Variants in ITCH observed in about 807,000 individuals in gnomAD.
The protein encoded by ITCH is itchy E3 ubiquitin protein ligase.
A neutral mutation model predicts 126.8 loss-of-function variants in ITCH; 28 were observed. That is an observed-to-expected ratio of 0.22 (90% CI 0.16 to 0.30). The LOEUF (loss-of-function observed/expected upper bound fraction) is 0.30, where lower values mean the gene tolerates loss of function less well. Among genes scored for constraint, ITCH ranks in the 10% least tolerant of loss-of-function variants. The probability of loss-of-function intolerance (pLI) is 1.00; values close to 1 mark genes in which losing one functional copy is unlikely to be tolerated. For synonymous variants in ITCH, 342 were observed against 340.0 expected (o/e 1.01, Z -0.06); for missense variants, 631 against 1,032.4 (o/e 0.61, Z 5.33).
chr20:34,465,434 A>T (rs1986960244), intron 14 of ITCH, among the ~76,000 whole-genome samples: 1 of 152,026 alleles, frequency 6.6e-6, no homozygotes, highest in Non-Finnish European at 1.5e-5. Context: ...TTGGATTTTG[A>T]TAGGGGATTT....
chr20:34,406,006 C>T (rs73257144), intron 3 of ITCH, among the ~76,000 whole-genome samples: 1 of 151,946 alleles, frequency 6.6e-6, no homozygotes, highest in African/African-American at 2.4e-5. Flanking sequence ...GATGTCTCAG[C>T]ATCTGGCATC....
intron 14 of ITCH, among the ~76,000 whole-genome samples, chr20:34,464,728 G>C (rs1252908563): frequency 7.0e-6 from 1 of 142,728 alleles, no homozygotes; most frequent in African/African-American, 2.6e-5. Flanking sequence ...TTTTTTTTTT[G>C]TAGATAGAGT....
At chr20:34,464,044 G>A (rs188398836) in intron 14 of ITCH, among the ~76,000 whole-genome samples, 23 of 151,626 alleles carry the variant, frequency 1.5e-4, no homozygotes, top group African/African-American at 5.3e-4. Context: ...GCACAATCTC[G>A]GCTCACTGCA....
chr20:34,487,687 C>G (rs1989224116), intron 20 of ITCH, among the ~76,000 whole-genome samples: 1 of 152,132 alleles, frequency 6.6e-6, no homozygotes, highest in Admixed American at 6.5e-5. Flanking sequence ...ACCTGTAATT[C>G]CAGCACTTTG....
intron 14 of ITCH, among the ~76,000 whole-genome samples, chr20:34,463,098 C>T (rs560381224): frequency 6.6e-6 from 1 of 152,338 alleles, no homozygotes; most frequent in Admixed American, 6.5e-5. Flanking sequence ...CGCAGTGGCT[C>T]ATGCCTGTAA....
chr20:34,382,772 C>A (rs978580911), intron 2 of ITCH, among the ~76,000 whole-genome samples: 20 of 147,280 alleles, frequency 1.4e-4, no homozygotes, highest in Non-Finnish European at 2.5e-4. Flanking sequence ...GAGACAGAGT[C>A]TTGCCTTGTA....
intron 6 of ITCH, among the ~76,000 whole-genome samples, chr20:34,414,554 C>T (rs1396621377): frequency 6.6e-6 from 1 of 150,830 alleles, no homozygotes; most frequent in East Asian, 1.9e-4. Context: ...GCAACCTCTG[C>T]CTCCTGGGTT....
At position 34,482,953 on chromosome 20, in the gene ITCH, C is replaced by T. The variant is rs534513882; in HGVS notation, c.2093+1747C>T. Among the ~76,000 whole-genome samples the T allele has an allele frequency of 4.6e-5, 7 of 152,250 alleles. No homozygotes were observed. The East Asian group carries it at 1.4e-3, about 29-fold the overall frequency. ...GCCTCAATTTTTGCCTTCTGTGCAC[C>T]CTCAGGCTCAACAGCACGTGGAAGC... is the stretch of plus-strand genomic sequence containing the variant. On this transcript the variant is annotated intron_variant, in intron 20 of 24. Coordinates refer to ENST00000374864, the MANE Select transcript of ITCH (RefSeq NM_031483.7).
intron 13 of ITCH, among the ~76,000 whole-genome samples, chr20:34,460,063 A>G (rs568262907): frequency 6.6e-6 from 1 of 152,348 alleles, no homozygotes; most frequent in Non-Finnish European, 1.5e-5. Context: ...ATTTATTTTC[A>G]AGACAACAAC....
At chr20:34,419,314 A>G (rs979361288) in intron 6 of ITCH, among the ~76,000 whole-genome samples, 3 of 152,200 alleles carry the variant, frequency 2.0e-5, no homozygotes, top group Admixed American at 1.3e-4. Context: ...ATATCATTGC[A>G]TCCACCTGTA....
At chr20:34,460,431 C>T (rs1306884861) in intron 13 of ITCH, among the ~76,000 whole-genome samples, 2 of 148,474 alleles carry the variant, frequency 1.3e-5, no homozygotes, top group Non-Finnish European at 3.0e-5. Flanking sequence ...GCCAAACACA[C>T]AAACTGAAAT....
At chr20:34,385,090 C>G (rs1049523324) in intron 2 of ITCH, among the ~76,000 whole-genome samples, 1 of 151,780 alleles carries the variant, frequency 6.6e-6, no homozygotes, top group Non-Finnish European at 1.5e-5. Flanking sequence ...TCTCAGCTCA[C>G]TGTAACCTCT....
intron 6 of ITCH, among the ~76,000 whole-genome samples, chr20:34,416,604 A>G (rs1160297616): frequency 2.0e-5 from 3 of 152,184 alleles, no homozygotes; most frequent in African/African-American, 7.2e-5. Flanking sequence ...GGGGAGGCCT[A>G]CTGTACTTAC....
chr20:34,464,869 C>T (rs1986899606), intron 14 of ITCH, among the ~76,000 whole-genome samples: 1 of 151,994 alleles, frequency 6.6e-6, no homozygotes, highest in South Asian at 2.1e-4. Flanking sequence ...CACCAACACG[C>T]CTGGCTAATT....
In ITCH at chr20:34,511,274, G is replaced by A. The variant is rs1978779326; in HGVS notation, c.*3480G>A. 6.6e-6 allele frequency: 1 copy of A among 152,086 alleles called. No homozygotes were observed. Among genetic ancestry groups the A allele is most frequent in the Admixed American group, 6.6e-5 (1 of 15,260 alleles). 9.4% of individuals were successfully genotyped at this position (152,086 alleles called of 1,614,324 possible). A position where few individuals can be genotyped will look rare whatever the true frequency, so the allele number is the denominator to read the frequency against. ...TTGATCTGTTACTTTTAATACTCAGGTAATGCTACAAATATTACAGGGAGT... is the reference window on the plus strand; with the variant it reads ...TTGATCTGTTACTTTTAATACTCAGATAATGCTACAAATATTACAGGGAGT... On this transcript the variant is annotated 3_prime_UTR_variant, in exon 25 of 25. Transcript: ENST00000374864.
At chr20:34,367,566 T>G (rs1198201810) in intron 1 of ITCH, among the ~76,000 whole-genome samples, 1 of 152,228 alleles carries the variant, frequency 6.6e-6, no homozygotes, top group Non-Finnish European at 1.5e-5. Flanking sequence ...GCACTGTGTT[T>G]GGAAGGATTC....
chr20:34,503,885 G>GTTTTTTTTTTTTTTTTTTTTT (rs11167236), intron 23 of ITCH, among the ~76,000 whole-genome samples: 1 of 109,620 alleles, frequency 9.1e-6, no homozygotes, highest in African/African-American at 3.5e-5. Context: ...TTTTTTTTTG[G>GTTTTTTTTTTTTTTTTTTTTT]TTTTTTTTTT....
intron 23 of ITCH, among the ~76,000 whole-genome samples, chr20:34,495,935 A>G (rs1163492934): frequency 6.6e-6 from 1 of 151,098 alleles, no homozygotes; most frequent in African/African-American, 2.4e-5. Context: ...AAAAAAAAAA[A>G]AAAAAAAAAA....
chr20:34,373,468 G>C (rs2037718271), intron 2 of ITCH, among the ~76,000 whole-genome samples: 1 of 152,058 alleles, frequency 6.6e-6, no homozygotes, highest in Admixed American at 6.6e-5. Flanking sequence ...TAGAGATGGG[G>C]TTTCACCATA....
Sources: allele counts gnomAD v4.1 joint callset (sites outside exome capture counted in the v4.1 genomes callset), GRCh38; gene constraint gnomAD v4.1.1; transcripts MANE v1.5; gene names NCBI Gene and HGNC (gene_info 2026-07-23, HGNC 2026-07-21).